FNDC3A: variants seen among roughly 807,000 people sequenced by gnomAD.
FNDC3A encodes fibronectin type-III domain-containing protein 3A.
In FNDC3A, 32 loss-of-function variants were observed where a neutral mutation model predicts 148.9. The observed-to-expected ratio is 0.21, with a 90% CI of 0.16 to 0.29. FNDC3A has a LOEUF of 0.29. Ranked by LOEUF, FNDC3A falls within the 10% of genes least tolerant of loss-of-function variation. FNDC3A has a pLI of 1.00. For missense variants in FNDC3A, 1,191 were observed against 1,452.8 expected (o/e 0.82, Z 2.93); for synonymous variants, 472 against 473.6 (o/e 1.00, Z 0.04).
chr13:49,067,761 CT>C (rs1877362878), intron 2 of FNDC3A, among the ~76,000 whole-genome samples: 1 of 152,158 alleles, frequency 6.6e-6, no homozygotes, highest in African/African-American at 2.4e-5. Context: ...ATTGTAATAT[CT>C]ACAGAAAGTT....
intron 9 of FNDC3A, 45 bp downstream of exon 9, chr13:49,167,348 G>GT (rs766645587): frequency 3.4e-5 from 37 of 1,089,332 alleles, no homozygotes; most frequent in African/African-American, 3.1e-4. Context: ...CAGCATAAGG[G>GT]GTTTTTTTTT....
intron 2 of FNDC3A, among the ~76,000 whole-genome samples, chr13:49,012,833 G>GTGTGTGTC (rs1342316378): frequency 6.6e-6 from 1 of 151,554 alleles, no homozygotes; most frequent in Non-Finnish European, 1.5e-5. Context: ...GTGTGTGTGT[G>GTGTGTGTC]TGTGTGTATC....
At position 49,096,045 on chromosome 13, in the gene FNDC3A, T is replaced by G. The variant is rs75120539; in HGVS notation, c.176-18610T>G. ...ACTTATCTAGGATTCATTCTCTAAGTTTTCCTCTGTTATGGCAACAAACAC... is the reference window on the plus strand; with the variant it reads ...ACTTATCTAGGATTCATTCTCTAAGGTTTCCTCTGTTATGGCAACAAACAC... On this transcript the variant is annotated intron_variant, in intron 3 of 25. Coordinates refer to ENST00000492622, the MANE Select transcript of FNDC3A (RefSeq NM_001079673.2). Among the ~76,000 whole-genome samples the G allele has an allele frequency of 7.2e-3, 1,090 of 152,234 alleles. 7 individuals carry two copies. The highest frequency in any genetic ancestry group is 0.011 in the Non-Finnish European group (715 of 67,968).
chr13:49,047,972 A>G (rs954295941), intron 2 of FNDC3A, among the ~76,000 whole-genome samples: 1 of 152,182 alleles, frequency 6.6e-6, no homozygotes, highest in East Asian at 1.9e-4. Context: ...TGATTTCTGT[A>G]TAAAGTGAGA....
intron 2 of FNDC3A, among the ~76,000 whole-genome samples, chr13:49,031,617 A>G (rs560980616): frequency 2.6e-5 from 4 of 152,298 alleles, no homozygotes; most frequent in African/African-American, 7.2e-5. Context: ...ACTTCATACC[A>G]TCTACAAAAC....
At chr13:49,076,960 T>C (rs535956939) in intron 3 of FNDC3A, among the ~76,000 whole-genome samples, 4 of 152,320 alleles carry the variant, frequency 2.6e-5, no homozygotes, top group African/African-American at 9.6e-5. Flanking sequence ...ATGTTGGGTA[T>C]TTAACTAATA....
intron 3 of FNDC3A, among the ~76,000 whole-genome samples, chr13:49,084,445 C>T (rs894640743): frequency 2.0e-5 from 3 of 152,084 alleles, no homozygotes; most frequent in African/African-American, 7.2e-5. Flanking sequence ...TCAGAGTTTT[C>T]AATATGAGCA....
chr13:49,117,119 A>T (rs116172303), intron 4 of FNDC3A, among the ~76,000 whole-genome samples: 31 of 152,344 alleles, frequency 2.0e-4, no homozygotes, highest in Non-Finnish European at 4.0e-4. Flanking sequence ...ATAGCCTGTC[A>T]TATAGTAGGA....
At chr13:49,135,567 C>A (rs1428571473) in intron 5 of FNDC3A, among the ~76,000 whole-genome samples, 1 of 152,062 alleles carries the variant, frequency 6.6e-6, no homozygotes, top group Non-Finnish European at 1.5e-5. Flanking sequence ...TGTACATATC[C>A]TTATAATACT....
chr13:49,117,027 A>C (rs538811718), intron 4 of FNDC3A, among the ~76,000 whole-genome samples: 1 of 152,276 alleles, frequency 6.6e-6, no homozygotes, highest in South Asian at 2.1e-4. Context: ...ATCAAGGGAG[A>C]ATAGAAGGGA....
rs951640245 is a variant in FNDC3A, at chr13:49,208,103, A to G, written c.*708A>G. 2.6e-5 allele frequency: 4 copies of G among 152,274 alleles called. No individual in the cohort carries two copies. Among genetic ancestry groups the G allele is most frequent in the African/African-American group, 7.2e-5 (3 of 41,460 alleles). 9.4% of individuals were successfully genotyped at this position (152,274 alleles called of 1,614,324 possible). ...AAGTACCTCTTCAGGTCTTGAGAAC[A>G]TGGAAAAGAATTGAGTGCTTTTAAA... On this transcript the variant is annotated 3_prime_UTR_variant, in exon 26 of 26. Coordinates refer to ENST00000492622, the MANE Select transcript of FNDC3A (RefSeq NM_001079673.2).
chr13:49,063,155 A>G (rs1877014112), intron 2 of FNDC3A, among the ~76,000 whole-genome samples: 1 of 152,210 alleles, frequency 6.6e-6, no homozygotes, highest in Non-Finnish European at 1.5e-5. Context: ...TAACTGTACT[A>G]CATTGCTAAG....
chr13:49,138,398 A>G (rs892212296), intron 6 of FNDC3A, among the ~76,000 whole-genome samples: 1 of 152,298 alleles, frequency 6.6e-6, no homozygotes, highest in South Asian at 2.1e-4. Flanking sequence ...ATTAAGAGGT[A>G]TGAGATTGAC....
intron 8 of FNDC3A, among the ~76,000 whole-genome samples, chr13:49,147,290 G>C (rs780787419): frequency 6.6e-6 from 1 of 152,102 alleles, no homozygotes; most frequent in Non-Finnish European, 1.5e-5. Context: ...CACGAGGGGG[G>C]CATTAGTCAT....
chr13:49,181,460 A>G (rs1441287975), intron 14 of FNDC3A, among the ~76,000 whole-genome samples: 4 of 152,180 alleles, frequency 2.6e-5, no homozygotes, highest in Non-Finnish European at 5.9e-5. Context: ...CTGTTGTGGT[A>G]TACTTCTAAG....
At chr13:49,154,457 G>A (rs1183909559) in intron 8 of FNDC3A, among the ~76,000 whole-genome samples, 284 of 147,914 alleles carry the variant, frequency 1.9e-3, no homozygotes, top group Admixed American at 5.1e-3. Context: ...CAATCATGTC[G>A]TCTGCAAACA....
intron 2 of FNDC3A, among the ~76,000 whole-genome samples, chr13:49,042,420 TTTCC>T (rs1221379650): frequency 1.3e-5 from 2 of 152,200 alleles, no homozygotes; most frequent in Non-Finnish European, 2.9e-5. Context: ...CATATTTTTG[TTTCC>T]TTCCTTTTAT....
At chr13:49,035,729 A>C (rs1874443658) in intron 2 of FNDC3A, among the ~76,000 whole-genome samples, 1 of 152,110 alleles carries the variant, frequency 6.6e-6, no homozygotes, top group South Asian at 2.1e-4. Context: ...CTCTTCAAAG[A>C]GTGCCTAACA....
At chr13:49,202,504 A>G (rs1171595475) in intron 24 of FNDC3A, among the ~76,000 whole-genome samples, 2 of 152,210 alleles carry the variant, frequency 1.3e-5, no homozygotes, top group African/African-American at 4.8e-5. Context: ...GCTACACTCT[A>G]TTTTTAGCTG....
Sources: gnomAD v4.1 joint callset for allele counts (sites outside exome capture counted in the v4.1 genomes callset) on GRCh38, gnomAD v4.1.1 for gene constraint, MANE v1.5 for transcripts, NCBI Gene and HGNC (gene_info 2026-07-23, HGNC 2026-07-21) for gene names.